The following PRKN variants were observed in gnomAD, a reference collection of about 807,000 sequenced individuals.
The protein encoded by PRKN is parkin RBR E3 ubiquitin protein ligase.
A neutral mutation model predicts 59.5 loss-of-function variants in PRKN; 56 were observed. The observed-to-expected ratio is 0.94, with a 90% CI of 0.76 to 1.18. PRKN has a LOEUF of 1.18. PRKN is among the 50% of genes most tolerant of loss of function. The pLI, the probability that PRKN is intolerant of heterozygous loss-of-function variation, is 0.00. For synonymous variants in PRKN, 250 were observed against 222.1 expected (o/e 1.13, Z -1.12); for missense variants, 657 against 596.4 (o/e 1.10, Z -1.06).
intron 9 of PRKN, among the ~76,000 whole-genome samples, chr6:161,524,086 C>A (rs1022619858): frequency 5.3e-5 from 8 of 151,906 alleles, no homozygotes; most frequent in Non-Finnish European, 1.0e-4. Flanking sequence ...CCCTTGTTTC[C>A]ACTATTTTCT....
intron 4 of PRKN, among the ~76,000 whole-genome samples, chr6:162,064,775 T>C (rs919253379): frequency 1.4e-4 from 21 of 152,232 alleles, no homozygotes; most frequent in Admixed American, 1.4e-3. Flanking sequence ...GTACTTTCAT[T>C]ACATGAAATT....
chr6:162,615,105 T>C (rs1782348576), intron 1 of PRKN, among the ~76,000 whole-genome samples: 1 of 152,196 alleles, frequency 6.6e-6, no homozygotes, highest in Non-Finnish European at 1.5e-5. Flanking sequence ...TATGAGCACA[T>C]ACCTTAAGTA....
At chr6:162,372,142 A>G (rs989111083) in intron 2 of PRKN, among the ~76,000 whole-genome samples, 9 of 152,210 alleles carry the variant, frequency 5.9e-5, no homozygotes, top group Admixed American at 5.9e-4. Context: ...TTTGTCCTTC[A>G]GTCTGTTGTC....
rs1554279310 is a variant in PRKN, at chr6:161,581,076, A to ACACACACACACAC, written c.872-11661_872-11660insGTGTGTGTGTGTG. 2.0e-5 allele frequency among the ~76,000 whole-genome samples: 3 copies of ACACACACACACAC among 151,104 alleles called. No individual in the cohort carries two copies. The highest frequency in any genetic ancestry group is 2.1e-4 in the South Asian group (1 of 4,776). ...CACACACACACACACACACACACAC[A>ACACACACACACAC]AAATAGCCAGGCGTGGTGGCATGCC... On this transcript the variant is annotated intron_variant, in intron 7 of 11. Transcript: ENST00000366898. This position sits in a 1 kb window ranked among gnomAD's most constrained non-coding sequence, Gnocchi z 4.5.
chr6:162,307,228 C>T (rs1207910377), intron 2 of PRKN, among the ~76,000 whole-genome samples: 2 of 151,764 alleles, frequency 1.3e-5, no homozygotes, highest in Non-Finnish European at 2.9e-5. Flanking sequence ...GGTGAAATCC[C>T]ATCTCCACTA....
At chr6:161,558,657 A>T (rs1780335451) in intron 8 of PRKN, among the ~76,000 whole-genome samples, 1 of 152,152 alleles carries the variant, frequency 6.6e-6, no homozygotes, top group South Asian at 2.1e-4. Context: ...TCTTTGGATT[A>T]AAAAAACTAT....
chr6:162,630,172 A>G (rs1454847742), intron 1 of PRKN, among the ~76,000 whole-genome samples: 1 of 152,146 alleles, frequency 6.6e-6, no homozygotes. Context: ...TTAGTCATAC[A>G]GTAATAGTGT....
intron 6 of PRKN, among the ~76,000 whole-genome samples, chr6:161,804,801 A>C (rs1402267165): frequency 6.6e-6 from 1 of 152,166 alleles, no homozygotes; most frequent in Non-Finnish European, 1.5e-5. Context: ...TCTAGATTCT[A>C]TTTTCCCAAT....
rs1052844625 is a variant in PRKN, at chr6:162,374,208, C to A, written c.171+69102G>T. 3.5e-4 allele frequency among the ~76,000 whole-genome samples: 53 copies of A among 152,156 alleles called. 1 individual carries two copies. The highest frequency in any genetic ancestry group is 1.2e-3 in the African/African-American group (51 of 41,440). ...TAACCAAAACTCTAGGCACTGATGA[C>A]ATTTTGTCACTATTATAAACATATT... On this transcript the variant is annotated intron_variant, in intron 2 of 11. Coordinates refer to ENST00000366898, the MANE Select transcript of PRKN (RefSeq NM_004562.3).
intron 7 of PRKN, among the ~76,000 whole-genome samples, chr6:161,590,922 G>T (rs904281186): frequency 2.6e-5 from 4 of 152,160 alleles, no homozygotes; most frequent in Non-Finnish European, 4.4e-5. Context: ...TGCAACATGT[G>T]AGCTGGGATT....
intron 7 of PRKN, among the ~76,000 whole-genome samples, chr6:161,763,864 C>T (rs1251095456): frequency 3.9e-5 from 6 of 152,138 alleles, no homozygotes; most frequent in Admixed American, 3.9e-4. Context: ...GCCCTTCCTC[C>T]ACACGAGGCC....
At chr6:162,175,669 C>G (rs1783497505) in intron 4 of PRKN, among the ~76,000 whole-genome samples, 1 of 152,120 alleles carries the variant, frequency 6.6e-6, no homozygotes, top group South Asian at 2.1e-4. Flanking sequence ...TGCTGAAGGC[C>G]ACCACTTGAT....
chr6:161,598,497 C>T (rs1406449442), intron 7 of PRKN, among the ~76,000 whole-genome samples: 2 of 152,188 alleles, frequency 1.3e-5, no homozygotes, highest in Admixed American at 6.5e-5. Context: ...TTTAAGCATT[C>T]TGAATCTTAA....
chr6:161,557,882 C>G (rs1237364084), intron 8 of PRKN, among the ~76,000 whole-genome samples: 1 of 152,148 alleles, frequency 6.6e-6, no homozygotes, highest in African/African-American at 2.4e-5. Flanking sequence ...TGGGGGCACT[C>G]AGGTACAGCT....
intron 1 of PRKN, among the ~76,000 whole-genome samples, chr6:162,714,791 A>G (rs1247017845): frequency 1.3e-5 from 2 of 152,310 alleles, no homozygotes; most frequent in East Asian, 3.9e-4. Flanking sequence ...GTTAAAAGCT[A>G]AAGGTGGAAA....
intron 1 of PRKN, among the ~76,000 whole-genome samples, chr6:162,718,585 C>A (rs185696025): frequency 6.6e-6 from 1 of 151,890 alleles, no homozygotes; most frequent in Non-Finnish European, 1.5e-5. Context: ...TGGTGGCAGG[C>A]GCCTGTAGTC....
Position 161,401,495 on chromosome 6 carries a change from C to T in PRKN, c.1084-14618G>A, listed in dbSNP as rs1016285274. Among the ~76,000 whole-genome samples the T allele has an allele frequency of 3.9e-5, 6 of 151,964 alleles. No individual in the cohort carries two copies. Among genetic ancestry groups the T allele is most frequent in the Non-Finnish European group, 8.8e-5 (6 of 68,020 alleles). On this transcript the variant is annotated intron_variant, in intron 9 of 11. Coordinates refer to ENST00000366898, the MANE Select transcript of PRKN (RefSeq NM_004562.3). This position sits in a 1 kb window ranked among gnomAD's most constrained non-coding sequence, Gnocchi z 4.4. ...GGGCGTGGTGGTGGACGCCTGTAAT[C>T]CCAGCTACTCAGGAGGCTGAGGCAG...
chr6:162,303,513 A>G (rs760125996), intron 2 of PRKN, among the ~76,000 whole-genome samples: 1 of 152,174 alleles, frequency 6.6e-6, no homozygotes, highest in African/African-American at 2.4e-5. Flanking sequence ...TAAATTCATT[A>G]ATTAACAAAC....
chr6:161,614,976 AG>A (rs1782635403), intron 7 of PRKN, among the ~76,000 whole-genome samples: 3 of 132,396 alleles, frequency 2.3e-5, no homozygotes, highest in Admixed American at 2.2e-4. Context: ...AGAGAGAGAG[AG>A]AGAGAGAGAG....
Sources: allele counts gnomAD v4.1 joint callset (sites outside exome capture counted in the v4.1 genomes callset), GRCh38; gene constraint gnomAD v4.1.1; non-coding constraint Gnocchi (gnomAD v3.1); transcripts MANE v1.5; gene names NCBI Gene and HGNC (gene_info 2026-07-23, HGNC 2026-07-21).